Variants in MACROD2 observed in about 807,000 individuals in gnomAD.
MACROD2 encodes the protein ADP-ribose glycohydrolase MACROD2.
In MACROD2, 36 loss-of-function variants were observed where a neutral mutation model predicts 70.4. The ratio of observed to expected loss-of-function variants is 0.51; its 90% CI spans 0.39 to 0.68. The LOEUF is 0.68. MACROD2 is among the 30% of genes least tolerant of loss of function. The pLI is 0.00. For synonymous variants in MACROD2, 172 were observed against 178.8 expected (o/e 0.96, Z 0.30); for missense variants, 496 against 538.4 (o/e 0.92, Z 0.78).
chr20:16,013,887 T>A (rs1212866999), intron 15 of MACROD2, among the ~76,000 whole-genome samples: 1 of 152,240 alleles, frequency 6.6e-6, no homozygotes, highest in Admixed American at 6.5e-5. Flanking sequence ...GTTCTGAGAA[T>A]ATCTGTTGAG....
At chr20:15,360,323 T>G (rs2078337162) in intron 6 of MACROD2, among the ~76,000 whole-genome samples, 1 of 152,170 alleles carries the variant, frequency 6.6e-6, no homozygotes. Context: ...AACATTTATG[T>G]GCAGGTTTTT....
chr20:14,272,470 G>C (rs2082205179), intron 3 of MACROD2, among the ~76,000 whole-genome samples: 1 of 151,864 alleles, frequency 6.6e-6, no homozygotes, highest in Non-Finnish European at 1.5e-5. Flanking sequence ...CACCAGGCCT[G>C]CCCTAAAAGA....
intron 3 of MACROD2, among the ~76,000 whole-genome samples, chr20:14,239,270 A>G (rs1455537728): frequency 6.6e-6 from 1 of 152,224 alleles, no homozygotes; most frequent in Non-Finnish European, 1.5e-5. Context: ...GATAGGAAGA[A>G]TCAATATTGT....
chr20:15,171,134 C>T (rs2076419351), intron 5 of MACROD2, among the ~76,000 whole-genome samples: 1 of 152,090 alleles, frequency 6.6e-6, no homozygotes, highest in Non-Finnish European at 1.5e-5. Context: ...ATCTTCTTCC[C>T]AAATCACTTA....
At chr20:15,622,580 G>A (rs796738986) in intron 8 of MACROD2, among the ~76,000 whole-genome samples, 4 of 152,116 alleles carry the variant, frequency 2.6e-5, no homozygotes, top group African/African-American at 7.2e-5. Context: ...TTCACATCTC[G>A]GGGAGCAGGA....
chr20:15,160,719 A>T (rs1010927842), intron 5 of MACROD2, among the ~76,000 whole-genome samples: 2 of 152,048 alleles, frequency 1.3e-5, no homozygotes, highest in African/African-American at 4.8e-5. Flanking sequence ...AACCCATTAT[A>T]TCCCTTGATC....
chr20:14,489,677 G>T (rs562019512), intron 3 of MACROD2, among the ~76,000 whole-genome samples: 2 of 152,208 alleles, frequency 1.3e-5, no homozygotes, highest in South Asian at 4.1e-4. Flanking sequence ...CCTTTATAAT[G>T]ATGAAAAGCA....
At chr20:15,439,579 C>T (rs768616280) in intron 7 of MACROD2, among the ~76,000 whole-genome samples, 6 of 152,164 alleles carry the variant, frequency 3.9e-5, no homozygotes, top group Non-Finnish European at 8.8e-5. Context: ...CCATCAATTG[C>T]AGTGAAACCA....
intron 6 of MACROD2, among the ~76,000 whole-genome samples, chr20:15,399,800 A>G (rs1470864857): frequency 6.6e-6 from 1 of 152,184 alleles, no homozygotes; most frequent in African/African-American, 2.4e-5. Context: ...CCATCTCACT[A>G]TGTCATAGAT....
chr20:14,423,734 A>C (rs866548302), intron 3 of MACROD2, among the ~76,000 whole-genome samples: 68 of 126,064 alleles, frequency 5.4e-4, no homozygotes, highest in Middle Eastern at 4.0e-3. Flanking sequence ...TTTCTAGTCC[A>C]CCATTTTGCT....
chr20:15,356,789 A>AG (rs1330598560), intron 6 of MACROD2, among the ~76,000 whole-genome samples: 1 of 152,152 alleles, frequency 6.6e-6, no homozygotes, highest in African/African-American at 2.4e-5. Context: ...CTCAAAAAAA[A>AG]TTTTTACTGT....
intron 15 of MACROD2, among the ~76,000 whole-genome samples, chr20:16,027,501 A>G (rs1473936661): frequency 2.0e-5 from 3 of 152,218 alleles, no homozygotes; most frequent in Non-Finnish European, 4.4e-5. Flanking sequence ...GCAGGATTTC[A>G]ACCCTCGCCA....
chr20:15,332,870 A>G (rs6079763), intron 6 of MACROD2, among the ~76,000 whole-genome samples: 16,175 of 151,672 alleles, frequency 0.11, 1,146 homozygotes, highest in Non-Finnish European at 0.16. Flanking sequence ...CCATGAAGTT[A>G]GAATGGAGGA....
chr20:14,010,770 A>G (rs768782474), intron 2 of MACROD2, among the ~76,000 whole-genome samples: 1 of 151,974 alleles, frequency 6.6e-6, no homozygotes, highest in Admixed American at 6.6e-5. Context: ...TTTCTCCAGG[A>G]TCTGCATCTT....
At chr20:15,188,276 T>C (rs1419205875) in intron 5 of MACROD2, among the ~76,000 whole-genome samples, 3 of 152,162 alleles carry the variant, frequency 2.0e-5, no homozygotes. Flanking sequence ...AGTTCAATGC[T>C]GAAAAGGAGC....
At chr20:15,830,217 G>T (rs192861295) in intron 8 of MACROD2, among the ~76,000 whole-genome samples, 2 of 152,130 alleles carry the variant, frequency 1.3e-5, no homozygotes, top group East Asian at 1.9e-4. Context: ...TCAATAAAAC[G>T]TTCCCAAATC....
rs1555788820 is a variant in MACROD2 at position 15,869,238 on chromosome 20, T to TAGAGAGAGAGAG, written c.727+6431_727+6442dup. 6.2e-3 allele frequency among the ~76,000 whole-genome samples: 175 copies of TAGAGAGAGAGAG among 28,260 alleles called. 10 individuals carry two copies. The highest frequency in any genetic ancestry group is 0.033 in the South Asian group (6 of 184). The allele number at this position is 28,260 out of a possible 152,430, so 18.5% of individuals were successfully genotyped here. On this transcript the variant is annotated intron_variant, in intron 9 of 17. Coordinates refer to ENST00000684519, the MANE Select transcript of MACROD2 (RefSeq NM_001351661.2). The stretch of plus-strand genomic sequence containing the variant: ...ATATATATATATATATATATATATA[T>TAGAGAGAGAGAG]AGAGAGAGAGAGAGAGAGAGAGAGA...
intron 5 of MACROD2, among the ~76,000 whole-genome samples, chr20:15,039,699 G>C (rs1399425693): frequency 6.6e-6 from 1 of 152,084 alleles, no homozygotes; most frequent in East Asian, 1.9e-4. Context: ...GAAGAAGAGA[G>C]GGAAGCATTA....
intron 6 of MACROD2, among the ~76,000 whole-genome samples, chr20:15,286,063 A>G (rs550851749): frequency 6.6e-6 from 1 of 152,250 alleles, no homozygotes; most frequent in Non-Finnish European, 1.5e-5. Flanking sequence ...TGGAAAAAAA[A>G]ATGTAAAATT....
Sources: allele counts gnomAD v4.1 joint callset (sites outside exome capture counted in the v4.1 genomes callset), GRCh38; gene constraint gnomAD v4.1.1; transcripts MANE v1.5; gene names NCBI Gene and HGNC (gene_info 2026-07-23, HGNC 2026-07-21).